ORC5: variants seen among roughly 807,000 people sequenced by gnomAD.
ORC5 encodes protein phosphatase 1, regulatory subunit 117.
ORC5 carries 39 observed loss-of-function variants against 58.8 expected under a neutral mutation model. The observed-to-expected ratio is 0.66, with a 90% CI of 0.51 to 0.87. ORC5 has a LOEUF of 0.87. ORC5 is among the 40% of genes least tolerant of loss of function. The probability of loss-of-function intolerance (pLI) is 0.00; values close to 1 mark genes in which losing one functional copy is unlikely to be tolerated. For missense variants in ORC5, 493 were observed against 506.3 expected, an observed-to-expected ratio of 0.97 and a Z score of 0.25; for synonymous variants, 218 against 177.6, an observed-to-expected ratio of 1.23 and a Z score of -1.81.
chr7:104,193,314 T>C (rs969427550), intron 5 of ORC5, among the ~76,000 whole-genome samples: 3 of 152,232 alleles, frequency 2.0e-5, no homozygotes, highest in Middle Eastern at 6.8e-3. Context: ...GCAGTACAAA[T>C]GTTCTTAGGT....
chr7:104,188,631 A>G (rs981885537), intron 5 of ORC5, among the ~76,000 whole-genome samples: 4 of 152,192 alleles, frequency 2.6e-5, no homozygotes, highest in African/African-American at 7.2e-5. Flanking sequence ...AATGAGAAGG[A>G]TAAGAGGAGT....
intron 12 of ORC5, among the ~76,000 whole-genome samples, chr7:104,159,536 T>G (rs1257748711): frequency 6.8e-6 from 1 of 147,424 alleles, no homozygotes; most frequent in Non-Finnish European, 1.5e-5. Flanking sequence ...AAAAAAAAAG[T>G]ATTTTCATGT....
At chr7:104,205,836 C>G (rs902033960) in intron 1 of ORC5, among the ~76,000 whole-genome samples, 2 of 152,026 alleles carry the variant, frequency 1.3e-5, no homozygotes, top group Non-Finnish European at 2.9e-5. Flanking sequence ...ACAGTGAAAC[C>G]CCATCTCTAC....
At chr7:104,199,213 G>A (rs1225866865) in intron 3 of ORC5, among the ~76,000 whole-genome samples, 1 of 152,208 alleles carries the variant, frequency 6.6e-6, no homozygotes, top group African/African-American at 2.4e-5. Context: ...TGAGAAGAGG[G>A]CCACCATCCT....
Position 104,175,177 on chromosome 7 carries a change from T to C in ORC5, c.825-6652A>G, listed in dbSNP as rs188705981. On this transcript the variant is annotated intron_variant, in intron 8 of 13. Coordinates refer to ENST00000297431, the MANE Select transcript of ORC5 (RefSeq NM_002553.4). ...TCTTCTGGGAAGAAAAGAATTGAGGTTGCTGCAGGCCCAAACGGATTTGCC... is the reference window on the plus strand; with the variant it reads ...TCTTCTGGGAAGAAAAGAATTGAGGCTGCTGCAGGCCCAAACGGATTTGCC... Among the ~76,000 whole-genome samples, 46 of 152,316 alleles carry C rather than the reference T, an allele frequency of 3.0e-4. 1 individual carries two copies. The highest frequency in any genetic ancestry group is 9.8e-4 in the Admixed American group (15 of 15,300).
chr7:104,164,754 T>C (rs1359831309), intron 11 of ORC5, among the ~76,000 whole-genome samples: 3 of 152,186 alleles, frequency 2.0e-5, no homozygotes, highest in Non-Finnish European at 4.4e-5. Context: ...TAAGCTTTTT[T>C]CCAGATTCCT....
rs773508024 is a variant in ORC5 at position 104,138,812 on chromosome 7, T to C, written c.1150-1919A>G. ...AGGCGTGAGCCCCCGCACCCAACCA[T>C]TGCTTTAAAACTTATTGCTGATCGT... On this transcript the variant is annotated intron_variant, in intron 12 of 13. Coordinates refer to ENST00000297431, the MANE Select transcript of ORC5 (RefSeq NM_002553.4). This position sits in a 1 kb window ranked among gnomAD's most constrained non-coding sequence, Gnocchi z 4.7. 1.3e-5 allele frequency among the ~76,000 whole-genome samples: 2 copies of C among 152,172 alleles called. No homozygotes were observed. The highest frequency in any genetic ancestry group is 2.9e-5 in the Non-Finnish European group (2 of 68,022).
In ORC5 at chr7:104,129,175, G is replaced by A. The variant is rs1168873731; in HGVS notation, c.1263-2282C>T. Reference sequence around the variant, plus strand: ...AATACATGAAAATATTGTGATGTCTGTAGGACTTCTCTATTTTTTGAGAAA... The same window carrying A: ...AATACATGAAAATATTGTGATGTCTATAGGACTTCTCTATTTTTTGAGAAA... On this transcript the variant is annotated intron_variant, in intron 13 of 13. Coordinates refer to ENST00000297431, the MANE Select transcript of ORC5 (RefSeq NM_002553.4). This position sits in a 1 kb window ranked among gnomAD's most constrained non-coding sequence, Gnocchi z 4.9. Among the ~76,000 whole-genome samples, 4 of 152,118 alleles carry A rather than the reference G, an allele frequency of 2.6e-5. No homozygotes were observed. The highest frequency in any genetic ancestry group is 5.9e-5 in the Non-Finnish European group (4 of 68,012).
Position 104,188,318 on chromosome 7 carries a change from G to A in ORC5, c.617C>T (p.Ala206Val). The A allele has an allele frequency of 6.2e-7, 1 of 1,612,084 alleles. No homozygotes were observed. The highest frequency in any genetic ancestry group is 8.5e-7 in the Non-Finnish European group (1 of 1,178,512). ...AACTCCAAGAAGAATGTTAATGTAGGCAGCATAGAAATCAGCTGAATACTC... is the reference window on the plus strand; with the variant it reads ...AACTCCAAGAAGAATGTTAATGTAGACAGCATAGAAATCAGCTGAATACTC... ...PPEYSADFYA[A>V]YINILLGVFY... The change falls in exon 6 of 14, where the codon GCC becomes GTC. Residue 206 changes from alanine (A) to valine (V), a missense_variant. This residue lies in a region of ORC5 where 412 missense variants were observed against 403.7 expected (regional missense o/e 1.02). Transcript: ENST00000297431.
rs772180782 is a variant in ORC5 at position 104,129,103 on chromosome 7, G to A, written c.1263-2210C>T. Among the ~76,000 whole-genome samples, 7 of 152,040 alleles carry A rather than the reference G, an allele frequency of 4.6e-5. No homozygotes were observed. Among genetic ancestry groups the A allele is most frequent in the Admixed American group, 1.3e-4 (2 of 15,268 alleles). ...GAAATAATTGCAAGTAAGTTGTGACGGCTGCAGAGAAATGTTTGTCTAATG... is the reference window on the plus strand; with the variant it reads ...GAAATAATTGCAAGTAAGTTGTGACAGCTGCAGAGAAATGTTTGTCTAATG... On this transcript the variant is annotated intron_variant, in intron 13 of 13. Transcript: ENST00000297431. This position sits in a 1 kb window ranked among gnomAD's most constrained non-coding sequence, Gnocchi z 4.9.
intron 4 of ORC5, among the ~76,000 whole-genome samples, chr7:104,195,867 G>A (rs543838100): frequency 1.3e-5 from 2 of 152,170 alleles, no homozygotes; most frequent in East Asian, 3.9e-4. Context: ...TATTTATTGG[G>A]CAGAAAGATT....
intron 12 of ORC5, among the ~76,000 whole-genome samples, chr7:104,140,298 TCTA>T (rs937825767): frequency 5.9e-5 from 9 of 152,162 alleles, no homozygotes; most frequent in African/African-American, 1.4e-4. Flanking sequence ...AATTTTTCTT[TCTA>T]CTGTTATATT....
rs1410835971 is a variant in ORC5, at chr7:104,200,818, A to G, written c.306T>C (p.Phe102=). ...TGGTTACTTGTTTAAACAAGCGAAC[A>G]AAGTCATTAAATGTTTCACAGGTTA... ...TEITCETFND[F]VRLFKQVTTA... is the part of the protein sequence containing the mutation. Residue 102 remains phenylalanine (F), a synonymous_variant, in exon 3 of 14, where the codon TTT becomes TTC. Coordinates refer to ENST00000297431, the MANE Select transcript of ORC5 (RefSeq NM_002553.4). 2.5e-6 allele frequency: 4 copies of G among 1,612,988 alleles called. No individual in the cohort carries two copies. The highest frequency in any genetic ancestry group is 4.5e-5 in the East Asian group (2 of 44,878).
intron 12 of ORC5, among the ~76,000 whole-genome samples, chr7:104,142,420 A>G (rs558128134): frequency 5.3e-5 from 8 of 152,286 alleles, no homozygotes; most frequent in Non-Finnish European, 1.0e-4. Context: ...CAGCTTCTTC[A>G]CAGCAAAGGA....
At chr7:104,198,002 G>A (rs966062187) in intron 3 of ORC5, among the ~76,000 whole-genome samples, 3 of 152,168 alleles carry the variant, frequency 2.0e-5, no homozygotes, top group East Asian at 3.8e-4. Flanking sequence ...TATCAAGGGA[G>A]TGGGTTATTG....
In ORC5 at chr7:104,131,791, G is replaced by A. The variant is rs372881577; in HGVS notation, c.1263-4898C>T. On this transcript the variant is annotated intron_variant, in intron 13 of 13. Coordinates refer to ENST00000297431, the MANE Select transcript of ORC5 (RefSeq NM_002553.4). ...CACTTGAACCTTGGAGAAAGAGGCT[G>A]CAGTGAGCCGAGATCGTGCCACTGC... Among the ~76,000 whole-genome samples, 41 of 151,724 alleles carry A rather than the reference G, an allele frequency of 2.7e-4. No homozygotes were observed. The East Asian group carries it at 7.2e-3, about 27-fold the overall frequency.
chr7:104,178,454 A>G (rs997589100), intron 8 of ORC5, among the ~76,000 whole-genome samples: 3 of 151,848 alleles, frequency 2.0e-5, no homozygotes, highest in Admixed American at 6.6e-5. Context: ...TGGATTCTGG[A>G]TATTAGACCT....
intron 13 of ORC5, among the ~76,000 whole-genome samples, chr7:104,127,751 TA>T (rs1056452717): frequency 1.3e-5 from 2 of 152,320 alleles, no homozygotes; most frequent in African/African-American, 4.8e-5. Flanking sequence ...ATATACTTTC[TA>T]AAAAAGTTTC....
intron 12 of ORC5, among the ~76,000 whole-genome samples, chr7:104,150,771 T>C (rs1028398319): frequency 4.6e-5 from 7 of 152,204 alleles, no homozygotes; most frequent in African/African-American, 9.6e-5. Context: ...ATGGATGGCA[T>C]TGTGCAAGAG....
Sources: gnomAD v4.1 joint callset for allele counts (sites outside exome capture counted in the v4.1 genomes callset) on GRCh38, gnomAD v4.1.1 for gene constraint, gnomAD v4.1.1 regional missense constraint, Gnocchi (gnomAD v3.1) non-coding constraint, MANE v1.5 for transcripts, NCBI Gene and HGNC (gene_info 2026-07-23, HGNC 2026-07-21) for gene names.